NTRK2: variants seen among roughly 807,000 people sequenced by gnomAD.
The protein encoded by NTRK2 is neurotrophic receptor tyrosine kinase 2.
In NTRK2, 13 loss-of-function variants were observed where a neutral mutation model predicts 94.5. The ratio of observed to expected loss-of-function variants is 0.14; its 90% CI spans 0.09 to 0.22. NTRK2 has a LOEUF of 0.22. Ranked by LOEUF, NTRK2 falls within the 10% of genes least tolerant of loss-of-function variation. The pLI, the probability that NTRK2 is intolerant of heterozygous loss-of-function variation, is 1.00. For missense variants in NTRK2, 639 were observed against 1,071.2 expected (o/e 0.60, Z 5.63); for synonymous variants, 372 against 407.4 (o/e 0.91, Z 1.05).
chr9:84,826,204 G>A (rs1669772221), intron 12 of NTRK2, among the ~76,000 whole-genome samples: 1 of 152,188 alleles, frequency 6.6e-6, no homozygotes, highest in Non-Finnish European at 1.5e-5. Flanking sequence ...GTTTGAAAGT[G>A]AGGTGTTGAC....
chr9:84,727,807 T>A lies in NTRK2; in HGVS notation c.1007T>A (p.Val336Asp), dbSNP rs1489487403. The A allele has an allele frequency of 6.2e-7, 1 of 1,614,178 alleles. No homozygotes were observed. Among genetic ancestry groups the A allele is most frequent in the Non-Finnish European group, 8.5e-7 (1 of 1,180,034 alleles). The change falls in exon 9 of 19, where the codon GTT (valine) becomes GAT (aspartate). Residue 336 changes from valine to aspartate, a missense_variant. Around this residue, in one of 5 missense-constraint regions of NTRK2, gnomAD observed 343 missense variants for 571.5 expected, o/e 0.60. Transcript: ENST00000277120. ...AAATACATCTGTACTAAAATACATG[T>A]TACCAATCACACGGAGTACCACGGC... ...ESKYICTKIH[V>D]TNHTEYHGCL...
At chr9:84,862,471 T>A (rs955633343) in intron 13 of NTRK2, among the ~76,000 whole-genome samples, 5 of 152,232 alleles carry the variant, frequency 3.3e-5, no homozygotes, top group Non-Finnish European at 7.3e-5. Flanking sequence ...CAATTTGCAC[T>A]GCAGAAGGGT....
rs149433995 is a variant in NTRK2 at position 84,710,649 on chromosome 9, C to T, written c.441C>T (p.Gly147=). 124 of 1,613,970 alleles carry T rather than the reference C, an allele frequency of 7.7e-5. No homozygotes were observed. The highest frequency in any genetic ancestry group is 1.0e-4 in the Non-Finnish European group (122 of 1,180,004). The change falls in exon 6 of 19, where the codon GGC becomes GGT. Residue 147 remains glycine, a synonymous_variant. Transcript: ENST00000277120. ...TTGTTCCCTGTAGGATCCTGGTGGG[C>T]AATCCATTTACATGCTCCTGTGACA... ...HLDLSELILV[G]NPFTCSCDIM... is the part of the protein sequence containing the mutation.
intron 14 of NTRK2, among the ~76,000 whole-genome samples, chr9:84,867,666 T>C (rs1318884016): frequency 1.3e-5 from 2 of 152,170 alleles, no homozygotes; most frequent in Admixed American, 1.3e-4. Context: ...TCTCTTGGGA[T>C]CTATTTTCCA....
intron 17 of NTRK2, among the ~76,000 whole-genome samples, chr9:85,019,475 A>C (rs1217953289): frequency 1.3e-5 from 2 of 152,208 alleles, no homozygotes; most frequent in African/African-American, 4.8e-5. Context: ...TTGTCAAAGA[A>C]AGTTTTCTTT....
intron 12 of NTRK2, among the ~76,000 whole-genome samples, chr9:84,825,943 G>A (rs1370168871): frequency 3.3e-5 from 5 of 152,238 alleles, no homozygotes; most frequent in Admixed American, 6.5e-5. Flanking sequence ...ATGTTTCTGA[G>A]TAAAGCTATG....
chr9:84,874,011 A>C, intron 14 of NTRK2: 1 of 1,064,258 alleles, frequency 9.4e-7, no homozygotes, highest in Non-Finnish European at 1.1e-6. Flanking sequence ...TCACCAAAGC[A>C]TCAGTGATGT....
intron 12 of NTRK2, among the ~76,000 whole-genome samples, chr9:84,839,681 G>A (rs556460697): frequency 6.6e-6 from 1 of 152,302 alleles, no homozygotes; most frequent in African/African-American, 2.4e-5. Flanking sequence ...AGCAGATGCA[G>A]AGCAATCTGT....
At chr9:84,712,739 A>G (rs1311299785) in intron 6 of NTRK2, among the ~76,000 whole-genome samples, 2 of 152,168 alleles carry the variant, frequency 1.3e-5, no homozygotes, top group Non-Finnish European at 2.9e-5. Flanking sequence ...CATTACACAT[A>G]TGATGTTTGT....
At chr9:84,929,304 G>A (rs533319730) in intron 14 of NTRK2, among the ~76,000 whole-genome samples, 1 of 152,210 alleles carries the variant, frequency 6.6e-6, no homozygotes, top group Admixed American at 6.5e-5. Flanking sequence ...GTTCACTTCT[G>A]GCACTCATGG....
At chr9:84,996,458 G>C (rs1829759183) in intron 17 of NTRK2, among the ~76,000 whole-genome samples, 1 of 152,240 alleles carries the variant, frequency 6.6e-6, no homozygotes, top group Non-Finnish European at 1.5e-5. Context: ...TTAAAGCTCA[G>C]CTTTGTGGAC....
intron 12 of NTRK2, among the ~76,000 whole-genome samples, chr9:84,761,963 TG>T (rs2065613169): frequency 1.3e-5 from 2 of 152,100 alleles, no homozygotes; most frequent in African/African-American, 4.8e-5. Flanking sequence ...AATTGAATCA[TG>T]GGGGTGGGTC....
intron 14 of NTRK2, among the ~76,000 whole-genome samples, chr9:84,918,512 A>C (rs10512157): frequency 0.066 from 10,127 of 152,306 alleles, 617 homozygotes; most frequent in African/African-American, 0.16. Context: ...GGATCCACAC[A>C]GTGTTTATGC....
chr9:85,004,237 T>C (rs1480996149), intron 17 of NTRK2, among the ~76,000 whole-genome samples: 1 of 151,732 alleles, frequency 6.6e-6, no homozygotes. Context: ...AGGGGGAAGA[T>C]TGTTCCAAAG....
At chr9:84,844,253 A>C (rs2074344711) in intron 12 of NTRK2, among the ~76,000 whole-genome samples, 2 of 152,258 alleles carry the variant, frequency 1.3e-5, no homozygotes, top group African/African-American at 4.8e-5. Flanking sequence ...CAGCTGCCTG[A>C]GAGCTGGAGA....
chr9:84,940,715 T>C, intron 15 of NTRK2, among the ~76,000 whole-genome samples: 1 of 150,256 alleles, frequency 6.7e-6, no homozygotes. Context: ...AAGCACATTC[T>C]CTCCAATTCT....
chr9:84,816,228 G>A lies in NTRK2; in HGVS notation c.1397-44812G>A, dbSNP rs796537281. Among the ~76,000 whole-genome samples, 13 of 152,230 alleles carry A rather than the reference G, an allele frequency of 8.5e-5. 1 individual carries two copies. The highest frequency in any genetic ancestry group is 3.1e-4 in the African/African-American group (13 of 41,542). ...GGGAAGATACCATGAGACCATAACT[G>A]TTAGCATGGTGCCCACACTTCATGT... On this transcript the variant is annotated intron_variant, in intron 12 of 18. Coordinates refer to ENST00000277120, the MANE Select transcript of NTRK2 (RefSeq NM_006180.6).
chr9:85,010,803 G>T (rs1001445455), intron 17 of NTRK2, among the ~76,000 whole-genome samples: 1 of 152,176 alleles, frequency 6.6e-6, no homozygotes, highest in Admixed American at 6.5e-5. Flanking sequence ...AGATTTACTT[G>T]CTCCCCATTA....
intron 6 of NTRK2, among the ~76,000 whole-genome samples, chr9:84,721,742 G>A (rs892466727): frequency 6.6e-6 from 1 of 152,160 alleles, no homozygotes; most frequent in Non-Finnish European, 1.5e-5. Flanking sequence ...GGGTGCCTCA[G>A]GGAACAGGAA....
Sources: gnomAD v4.1 joint callset for allele counts (sites outside exome capture counted in the v4.1 genomes callset) on GRCh38, gnomAD v4.1.1 for gene constraint, gnomAD v4.1.1 regional missense constraint, MANE v1.5 for transcripts, NCBI Gene and HGNC (gene_info 2026-07-23, HGNC 2026-07-21) for gene names.